VAC14: variants seen among roughly 807,000 people sequenced by gnomAD.
The protein encoded by VAC14 is protein VAC14 homolog.
Under a neutral mutation model 85.3 loss-of-function variants are expected in VAC14, and 47 were observed. The ratio of observed to expected loss-of-function variants is 0.55; its 90% confidence interval spans 0.44 to 0.70. The LOEUF (loss-of-function observed/expected upper bound fraction) is 0.70. Ranked by LOEUF, VAC14 falls within the 30% of genes least tolerant of loss-of-function variation. The pLI is 0.00. For synonymous variants in VAC14, 447 were observed against 430.5 expected (o/e 1.04, Z -0.47); for missense variants, 861 against 1,004.3 (o/e 0.86, Z 1.93).
At chr16:70,689,588 A>G in intron 18 of VAC14, 1 of 985,576 alleles carries the variant, frequency 1.0e-6, no homozygotes, top group Non-Finnish European at 1.2e-6. Flanking sequence ...GCCTGCCCAC[A>G]CCTGTTCCCT....
Position 70,731,507 on chromosome 16 carries a change from G to C in VAC14, c.1649C>G (p.Pro550Arg), listed in dbSNP as rs1197913568. Reference sequence around the variant, plus strand: ...CGCCAAGGCTGACCTGATGATGAAAGGGCCTCTGACCTCCAGGAGCTTCCG... The same window carrying C: ...CGCCAAGGCTGACCTGATGATGAAACGGCCTCTGACCTCCAGGAGCTTCCG... ...SERKLLEVRG[P>R]FIIRQLCLLL... The change falls in exon 14 of 19, where the codon CCT (proline) becomes CGT (arginine). Residue 550 changes from proline (P) to arginine (R), a missense_variant. Around this residue, in one of 3 missense-constraint regions of VAC14, gnomAD observed 69 missense variants for 139.0 expected, o/e 0.50. Transcript: ENST00000261776. The C allele has an allele frequency of 3.1e-6, 5 of 1,613,972 alleles. No homozygotes were observed. Among genetic ancestry groups the C allele is most frequent in the Non-Finnish European group, 4.2e-6 (5 of 1,179,894 alleles).
intron 13 of VAC14, among the ~76,000 whole-genome samples, chr16:70,742,446 A>C (rs1039683366): frequency 1.3e-5 from 2 of 152,090 alleles, no homozygotes; most frequent in Admixed American, 1.3e-4. Context: ...CCAAGGACTT[A>C]AGGTTGGCCC....
At chr16:70,753,336 G>A (rs1318052543) in intron 12 of VAC14, among the ~76,000 whole-genome samples, 7 of 152,212 alleles carry the variant, frequency 4.6e-5, no homozygotes, top group Admixed American at 3.9e-4. Context: ...GCTCACCCAA[G>A]CTCCTGCCAG....
At chr16:70,754,032 C>T (rs574689041) in intron 12 of VAC14, among the ~76,000 whole-genome samples, 3 of 152,296 alleles carry the variant, frequency 2.0e-5, no homozygotes, top group African/African-American at 7.2e-5. Flanking sequence ...CCCTCCTGGC[C>T]CCCAATCCAT....
chr16:70,758,228 G>A (rs557347224), intron 12 of VAC14, among the ~76,000 whole-genome samples: 1 of 152,222 alleles, frequency 6.6e-6, no homozygotes, highest in African/African-American at 2.4e-5. Context: ...TACTTGTAAC[G>A]ACAGACAGGT....
chr16:70,771,386 G>C (rs796125221), intron 10 of VAC14: 15 of 152,264 alleles, frequency 9.9e-5, no homozygotes, highest in African/African-American at 3.6e-4. Flanking sequence ...GGCTGTCCTT[G>C]AACAGACTTC....
At chr16:70,700,861 C>T (rs1196538249) in intron 14 of VAC14, among the ~76,000 whole-genome samples, 1 of 152,206 alleles carries the variant, frequency 6.6e-6, no homozygotes, top group East Asian at 1.9e-4. Context: ...CAGAGGCCAA[C>T]AGCTGAGCCG....
At chr16:70,758,269 G>A (rs1455795939) in intron 12 of VAC14, among the ~76,000 whole-genome samples, 1 of 152,086 alleles carries the variant, frequency 6.6e-6, no homozygotes, top group African/African-American at 2.4e-5. Flanking sequence ...TGGGTGAGGG[G>A]GTTACGCTTT....
intron 12 of VAC14, among the ~76,000 whole-genome samples, chr16:70,757,322 G>C (rs2031950872): frequency 6.6e-6 from 1 of 152,222 alleles, no homozygotes; most frequent in South Asian, 2.1e-4. Context: ...CCTCTCCCTG[G>C]ACTCAGGGCG....
intron 14 of VAC14, among the ~76,000 whole-genome samples, chr16:70,710,715 G>A (rs2054015325): frequency 6.6e-6 from 1 of 152,210 alleles, no homozygotes. Flanking sequence ...CGGAGGCCTC[G>A]GCAGGGCCCA....
intron 9 of VAC14, among the ~76,000 whole-genome samples, chr16:70,774,478 G>A (rs2033412237): frequency 6.6e-6 from 1 of 152,116 alleles, no homozygotes; most frequent in African/African-American, 2.4e-5. Flanking sequence ...TGTCTGCTGG[G>A]TTTCTCCCCT....
At chr16:70,702,329 C>CGAGGTGTCTCCCTCTGAGT (rs988358780) in intron 14 of VAC14, among the ~76,000 whole-genome samples, 49 of 152,156 alleles carry the variant, frequency 3.2e-4, no homozygotes, top group Non-Finnish European at 6.3e-4. Flanking sequence ...AGCCTCCTCA[C>CGAGGTGTCTCCCTCTGAGT]GAGGTGTCTC....
At chr16:70,723,354 G>T (rs2054343124) in intron 14 of VAC14, among the ~76,000 whole-genome samples, 1 of 152,100 alleles carries the variant, frequency 6.6e-6, no homozygotes, top group South Asian at 2.1e-4. Flanking sequence ...GAGGCAGGAG[G>T]TCACAGCGAG....
At chr16:70,796,017 A>G (rs533117142) in intron 1 of VAC14, among the ~76,000 whole-genome samples, 13 of 152,258 alleles carry the variant, frequency 8.5e-5, no homozygotes, top group African/African-American at 3.1e-4. Flanking sequence ...GCATCTTCCC[A>G]CCCTTTTCAT....
intron 12 of VAC14, among the ~76,000 whole-genome samples, chr16:70,760,476 T>G (rs977202709): frequency 4.6e-5 from 7 of 152,150 alleles, no homozygotes; most frequent in Non-Finnish European, 1.0e-4. Context: ...GACTCATCAC[T>G]AATGATGAAG....
intron 14 of VAC14, among the ~76,000 whole-genome samples, chr16:70,719,623 G>A (rs563216574): frequency 6.6e-6 from 1 of 152,330 alleles, no homozygotes; most frequent in African/African-American, 2.4e-5. Context: ...ATGAAAAGTT[G>A]TTCAACTTCA....
intron 18 of VAC14, 72 bp downstream of exon 18, chr16:70,692,749 C>T: frequency 1.3e-6 from 2 of 1,542,208 alleles, no homozygotes; most frequent in South Asian, 2.4e-5. Context: ...TGGCAAGGCC[C>T]TTCCTCACCA....
intron 10 of VAC14, 148 bp from the exon 11 acceptor site, chr16:70,763,173 C>A: frequency 8.5e-7 from 1 of 1,173,866 alleles, no homozygotes. Flanking sequence ...ATAACCTGAT[C>A]CCACACATCC....
At chr16:70,772,200 AT>A (rs780960724) in intron 9 of VAC14, 28 bp from the exon 10 acceptor site, 1 of 1,604,732 alleles carries the variant, frequency 6.2e-7, no homozygotes, top group Non-Finnish European at 8.5e-7. Flanking sequence ...ACAAGGGGTC[AT>A]GAAAGGCTGT....
Sources: allele counts gnomAD v4.1 joint callset (sites outside exome capture counted in the v4.1 genomes callset), GRCh38; gene constraint gnomAD v4.1.1; regional missense constraint gnomAD v4.1.1; transcripts MANE v1.5; gene names NCBI Gene and HGNC (gene_info 2026-07-23, HGNC 2026-07-21).